Variants in SGCD observed in about 807,000 individuals in gnomAD.
SGCD encodes the protein delta-sarcoglycan.
Under a neutral mutation model 36.6 loss-of-function variants are expected in SGCD, and 18 were observed. The observed-to-expected ratio is 0.49, with a 90% CI of 0.34 to 0.73. SGCD has a LOEUF of 0.73. Among genes scored for constraint, SGCD ranks in the 30% least tolerant of loss-of-function variants. The pLI is 0.01. For missense variants in SGCD, 387 were observed against 346.7 expected (o/e 1.12, Z -0.92); for synonymous variants, 133 against 130.6 (o/e 1.02, Z -0.12).
chr5:156,045,654 C>T (rs1561694835), intron 1 of SGCD, among the ~76,000 whole-genome samples: 1 of 152,152 alleles, frequency 6.6e-6, no homozygotes, highest in Non-Finnish European at 1.5e-5. Flanking sequence ...TTTCTGGTGA[C>T]AGTTCTCTGC....
chr5:156,044,167 G>C (rs530771630), intron 1 of SGCD, among the ~76,000 whole-genome samples: 1 of 152,164 alleles, frequency 6.6e-6, no homozygotes, highest in South Asian at 2.1e-4. Context: ...TTTAAGAAGA[G>C]GTAAAATTCA....
chr5:156,446,757 G>T (rs547605586), intron 3 of SGCD, among the ~76,000 whole-genome samples: 1 of 152,240 alleles, frequency 6.6e-6, no homozygotes, highest in African/African-American at 2.4e-5. Context: ...GGAATGAAAT[G>T]ATTTCATGAG....
Position 156,221,864 on chromosome 5 carries a change from T to C in SGCD, c.-44+97845T>C, listed in dbSNP as rs188559518. Among the ~76,000 whole-genome samples, 135 of 152,198 alleles carry C rather than the reference T, an allele frequency of 8.9e-4. 1 individual carries two copies. The highest frequency in any genetic ancestry group is 3.1e-3 in the African/African-American group (127 of 41,564). On this transcript the variant is annotated intron_variant, in intron 3 of 9. Coordinates refer to the SGCD transcript ENST00000517913. ...ATGAAAACTTAAGTTTCAAAGAGGT[T>C]AAATAACTTGCTGAGGATTTGCAAC... is the stretch of plus-strand genomic sequence containing the variant.
chr5:155,909,843 T>G (rs1756595378), intron 1 of SGCD, among the ~76,000 whole-genome samples: 1 of 152,086 alleles, frequency 6.6e-6, no homozygotes, highest in South Asian at 2.1e-4. Context: ...AATTTAACAT[T>G]CAAGGGTTTT....
chr5:156,165,538 T>A (rs1763193434), intron 3 of SGCD, among the ~76,000 whole-genome samples: 1 of 152,208 alleles, frequency 6.6e-6, no homozygotes, highest in African/African-American at 2.4e-5. Context: ...AGATGATGGA[T>A]CCCAGATGTT....
intron 1 of SGCD, among the ~76,000 whole-genome samples, chr5:155,950,775 A>G (rs1163877524): frequency 1.3e-5 from 2 of 152,136 alleles, no homozygotes; most frequent in African/African-American, 4.8e-5. Flanking sequence ...CAAGCTGTAT[A>G]TATTCCCTCT....
intron 1 of SGCD, among the ~76,000 whole-genome samples, chr5:156,071,172 G>A (rs1370328986): frequency 1.3e-5 from 2 of 152,210 alleles, no homozygotes; most frequent in East Asian, 3.9e-4. Flanking sequence ...CCTTCTGCTA[G>A]CTTTTGAATG....
chr5:156,157,654 C>A (rs1176112049), intron 3 of SGCD, among the ~76,000 whole-genome samples: 1 of 151,698 alleles, frequency 6.6e-6, no homozygotes, highest in Middle Eastern at 3.2e-3. Flanking sequence ...TTTCTCCATT[C>A]TGGTTGTCTT....
chr5:156,571,663 C>T (rs976555452), intron 4 of SGCD, among the ~76,000 whole-genome samples: 2 of 152,190 alleles, frequency 1.3e-5, no homozygotes, highest in African/African-American at 4.8e-5. Context: ...GATCCTTATG[C>T]CAGCAAGCCT....
intron 6 of SGCD, among the ~76,000 whole-genome samples, chr5:156,622,198 C>A (rs1219114003): frequency 1.3e-5 from 2 of 152,030 alleles, no homozygotes; most frequent in Non-Finnish European, 2.9e-5. Flanking sequence ...TTGGAGAGAC[C>A]AAGGCAGGTG....
intron 3 of SGCD, among the ~76,000 whole-genome samples, chr5:156,386,007 C>A (rs964987982): frequency 6.6e-6 from 1 of 152,198 alleles, no homozygotes; most frequent in Non-Finnish European, 1.5e-5. Flanking sequence ...ACTCTGAATC[C>A]TCAAATCCAG....
intron 1 of SGCD, among the ~76,000 whole-genome samples, chr5:155,913,367 A>G (rs1756669542): frequency 6.6e-6 from 1 of 152,172 alleles, no homozygotes; most frequent in Non-Finnish European, 1.5e-5. Context: ...AGAGAGCACA[A>G]TATGGAAGAG....
chr5:156,243,572 A>G lies in SGCD; in HGVS notation c.-43-85962A>G, dbSNP rs1765358750. 2.0e-5 allele frequency among the ~76,000 whole-genome samples: 3 copies of G among 152,206 alleles called. No homozygotes were observed. In the South Asian group the frequency reaches 6.2e-4, roughly 32 times the overall value. On this transcript the variant is annotated intron_variant, in intron 3 of 9. Transcript: ENST00000517913. Reference sequence around the variant, plus strand: ...TATATATGTAGAATATATAAAATACAAGGATTTCCTATCTGTCTACTGAGA... The same window carrying G: ...TATATATGTAGAATATATAAAATACGAGGATTTCCTATCTGTCTACTGAGA...
chr5:156,209,615 G>C (rs553642346), intron 3 of SGCD, among the ~76,000 whole-genome samples: 1 of 152,296 alleles, frequency 6.6e-6, no homozygotes, highest in East Asian at 1.9e-4. Flanking sequence ...AATAAACCCA[G>C]GTTTCAAGAT....
rs376124072 is a variant in SGCD at position 156,754,559 on chromosome 5, C to A, written c.576-3022C>A. On this transcript the variant is annotated intron_variant, in intron 7 of 8. Coordinates refer to ENST00000337851, the MANE Select transcript of SGCD (RefSeq NM_000337.6). ...ATTACAGAAAATAGGGGTAAAGATACAATAGATGGAAAGAAATACAGTTAT... is the reference window on the plus strand; with the variant it reads ...ATTACAGAAAATAGGGGTAAAGATAAAATAGATGGAAAGAAATACAGTTAT... Among the ~76,000 whole-genome samples, 18 of 152,180 alleles carry A rather than the reference C, an allele frequency of 1.2e-4. No individual in the cohort carries two copies. In the East Asian group the frequency reaches 1.5e-3, roughly 13 times the overall value.
chr5:156,740,858 C>T (rs886716488), intron 7 of SGCD, among the ~76,000 whole-genome samples: 3 of 152,210 alleles, frequency 2.0e-5, no homozygotes, highest in Non-Finnish European at 4.4e-5. Flanking sequence ...ATTTCCCACC[C>T]AATCTGAGAA....
chr5:156,685,592 CCTCCAG>C (rs1476649032), intron 7 of SGCD, among the ~76,000 whole-genome samples: 9 of 152,306 alleles, frequency 5.9e-5, no homozygotes, highest in Non-Finnish European at 1.3e-4. Context: ...ATCCACAGAA[CCTCCAG>C]CTTGCTTATG....
chr5:156,649,112 G>GCT (rs1763350936), intron 7 of SGCD, among the ~76,000 whole-genome samples: 1 of 152,160 alleles, frequency 6.6e-6, no homozygotes. Flanking sequence ...ATGAAAAAGT[G>GCT]CTCATCATCA....
At chr5:156,414,093 G>T (rs1772907780) in intron 3 of SGCD, among the ~76,000 whole-genome samples, 1 of 152,162 alleles carries the variant, frequency 6.6e-6, no homozygotes, top group Non-Finnish European at 1.5e-5. Flanking sequence ...ATGGTGTCTT[G>T]CCCATCCCTT....
Sources: allele counts gnomAD v4.1 joint callset (sites outside exome capture counted in the v4.1 genomes callset), GRCh38; gene constraint gnomAD v4.1.1; transcripts MANE v1.5; gene names NCBI Gene and HGNC (gene_info 2026-07-23, HGNC 2026-07-21).